SEMA6D: variants seen among roughly 807,000 people sequenced by gnomAD.
SEMA6D encodes the protein semaphorin-6D.
Under a neutral mutation model 106.6 loss-of-function variants are expected in SEMA6D, and 35 were observed. The observed-to-expected ratio is 0.33, with a 90% CI of 0.25 to 0.44. SEMA6D has a LOEUF of 0.44. Ranked by LOEUF, SEMA6D falls within the 20% of genes least tolerant of loss-of-function variation. SEMA6D has a pLI of 1.00. For synonymous variants in SEMA6D, 499 were observed against 487.7 expected (o/e 1.02, Z -0.31); for missense variants, 1,185 against 1,345.9 (o/e 0.88, Z 1.87).
rs2077698628 is a variant in SEMA6D, at chr15:47,651,884, T to C, written c.-55+50988T>C. Among the ~76,000 whole-genome samples, 6 of 152,354 alleles carry C rather than the reference T, an allele frequency of 3.9e-5. 1 individual carries two copies. The highest frequency in any genetic ancestry group is 3.9e-4 in the Admixed American group (6 of 15,302). On this transcript the variant is annotated intron_variant, in intron 4 of 19. Transcript: ENST00000558014. The stretch of plus-strand genomic sequence containing the variant: ...CCTTCCTTCAGCCCAGATATACCAG[T>C]CACTCCCTTATGCTTTACAACAACC...
intron 1 of SEMA6D, among the ~76,000 whole-genome samples, chr15:47,375,850 G>C (rs935131039): frequency 6.6e-6 from 1 of 152,160 alleles, no homozygotes. Flanking sequence ...ATGTTCTATT[G>C]TATTAATTGG....
chr15:47,487,583 T>G (rs138099965), intron 3 of SEMA6D, among the ~76,000 whole-genome samples: 135 of 152,344 alleles, frequency 8.9e-4, no homozygotes, highest in African/African-American at 3.1e-3. Flanking sequence ...TTCCTTTATT[T>G]AACAACACTA....
intron 3 of SEMA6D, among the ~76,000 whole-genome samples, chr15:47,600,530 TAAC>T (rs145529962): frequency 3.9e-5 from 6 of 152,008 alleles, no homozygotes; most frequent in Non-Finnish European, 7.4e-5. Context: ...TTTAAAAGTT[TAAC>T]AACAACAACA....
chr15:47,290,009 G>T (rs987804890), intron 1 of SEMA6D, among the ~76,000 whole-genome samples: 12 of 151,950 alleles, frequency 7.9e-5, no homozygotes, highest in Admixed American at 7.9e-4. Context: ...AATCTTAAAA[G>T]TAAAGAAAAA....
chr15:47,761,533 A>G (rs9920019), intron 6 of SEMA6D, 102 bp downstream of exon 6: 323,520 of 1,248,388 alleles, frequency 0.26, 44,791 homozygotes, highest in African/African-American at 0.39. Context: ...AATTTGTTTT[A>G]TCTCTAGTGC....
chr15:47,381,887 T>G (rs2039651967), intron 1 of SEMA6D, among the ~76,000 whole-genome samples: 1 of 152,166 alleles, frequency 6.6e-6, no homozygotes, highest in Non-Finnish European at 1.5e-5. Flanking sequence ...GAAATGGTCT[T>G]TGTCCTACTT....
chr15:47,385,065 T>TTTTTTTTTTTTTTTTTTTA (rs35758807), intron 1 of SEMA6D, among the ~76,000 whole-genome samples: 3 of 137,228 alleles, frequency 2.2e-5, no homozygotes, highest in African/African-American at 2.8e-5. Flanking sequence ...TTTTTTTTTT[T>TTTTTTTTTTTTTTTTTTTA]ACCATAGAAC....
In SEMA6D at chr15:47,771,768, A is replaced by G. The variant is rs1308849746; in HGVS notation, c.3205A>G (p.Asn1069Asp). The G allele has an allele frequency of 6.2e-7, 1 of 1,613,436 alleles. No homozygotes were observed. The change falls in exon 19 of 19, where the codon AAC becomes GAC. Residue 1069 changes from asparagine (N) to aspartate (D), a missense_variant. Asn to Asp is a conservative substitution (Grantham distance 23). This residue lies in a region of SEMA6D where 750 missense variants were observed against 783.5 expected (regional missense o/e 0.96). Transcript: ENST00000536845. The part of the protein sequence containing the change: ...VPQTPSVRPL[N>D]KYTY The stretch of plus-strand genomic sequence containing the variant: ...TCAAACCCCATCTGTCAGACCACTG[A>G]ACAAATACACATACTAGGCCTCAAG...
chr15:47,612,672 A>G (rs958106509), intron 4 of SEMA6D, among the ~76,000 whole-genome samples: 1 of 152,226 alleles, frequency 6.6e-6, no homozygotes, highest in Non-Finnish European at 1.5e-5. Context: ...AAAGGGCTCA[A>G]TGAACTTTCT....
At chr15:47,334,121 G>A (rs958599798) in intron 1 of SEMA6D, among the ~76,000 whole-genome samples, 1 of 152,142 alleles carries the variant, frequency 6.6e-6, no homozygotes, top group Non-Finnish European at 1.5e-5. Context: ...ATAAAATGAC[G>A]AGAGTACTGG....
At chr15:47,593,933 C>T (rs763434251) in intron 3 of SEMA6D, among the ~76,000 whole-genome samples, 1 of 152,212 alleles carries the variant, frequency 6.6e-6, no homozygotes, top group Non-Finnish European at 1.5e-5. Flanking sequence ...GATCCACCCT[C>T]ATGAGCTAGT....
chr15:47,649,873 C>T (rs1212056125), intron 4 of SEMA6D, among the ~76,000 whole-genome samples: 1 of 152,184 alleles, frequency 6.6e-6, no homozygotes, highest in African/African-American at 2.4e-5. Flanking sequence ...CTTAAAACTT[C>T]TCAACTAGCT....
At position 47,770,768 on chromosome 15, in the gene SEMA6D, T is replaced by G; in HGVS notation, c.2205T>G (p.Pro735=). Residue 735 remains proline, a synonymous_variant, in exon 19 of 19, where the codon CCT becomes CCG. Transcript: ENST00000536845. The part of the protein sequence containing the change: ...VKEYQQNIDS[P]KLYSNLLTSR... ...AATACCAACAGAATATTGATTCTCC[T>G]AAACTGTATAGTAACCTGCTAACCA... 1 of 1,614,124 alleles carries G rather than the reference T, an allele frequency of 6.2e-7. No individual in the cohort carries two copies. The highest frequency in any genetic ancestry group is 8.5e-7 in the Non-Finnish European group (1 of 1,180,004).
chr15:47,319,741 C>T (rs964940190), intron 1 of SEMA6D, among the ~76,000 whole-genome samples: 5 of 152,044 alleles, frequency 3.3e-5, no homozygotes, highest in African/African-American at 1.2e-4. Flanking sequence ...TTCCCTTTCT[C>T]GTCTTCCTGC....
At chr15:47,646,228 G>A (rs1159086160) in intron 4 of SEMA6D, among the ~76,000 whole-genome samples, 1 of 152,088 alleles carries the variant, frequency 6.6e-6, no homozygotes, top group South Asian at 2.1e-4. Flanking sequence ...CCAGCCACCA[G>A]TCTTTCATTA....
At chr15:47,693,295 A>T (rs1194578942) in intron 4 of SEMA6D, among the ~76,000 whole-genome samples, 1 of 152,178 alleles carries the variant, frequency 6.6e-6, no homozygotes, top group Non-Finnish European at 1.5e-5. Context: ...CAAAGCTCTC[A>T]GAGGGAACCA....
chr15:47,649,346 G>A (rs562674514), intron 4 of SEMA6D, among the ~76,000 whole-genome samples: 18 of 152,048 alleles, frequency 1.2e-4, no homozygotes, highest in Non-Finnish European at 2.4e-4. Flanking sequence ...AACTACACAA[G>A]CCACTGGGAC....
intron 1 of SEMA6D, among the ~76,000 whole-genome samples, chr15:47,354,419 A>G (rs1191325694): frequency 6.8e-6 from 1 of 147,848 alleles, no homozygotes; most frequent in Admixed American, 6.8e-5. Flanking sequence ...GAGAGCATAT[A>G]CATATACCTA....
chr15:47,314,324 C>T (rs1187970242), intron 1 of SEMA6D, among the ~76,000 whole-genome samples: 3 of 152,064 alleles, frequency 2.0e-5, no homozygotes, highest in Non-Finnish European at 2.9e-5. Flanking sequence ...GTAGACCGGG[C>T]GCGGTGGCTC....
Sources: allele counts gnomAD v4.1 joint callset (sites outside exome capture counted in the v4.1 genomes callset), GRCh38; gene constraint gnomAD v4.1.1; regional missense constraint gnomAD v4.1.1; transcripts MANE v1.5; gene names NCBI Gene and HGNC (gene_info 2026-07-23, HGNC 2026-07-21).